ERBIN: variants seen among roughly 807,000 people sequenced by gnomAD.
ERBIN encodes the protein densin-180-like protein.
In ERBIN, 60 loss-of-function variants were observed where a neutral mutation model predicts 158.4. The ratio of observed to expected loss-of-function variants is 0.38; its 90% CI spans 0.31 to 0.47. The LOEUF is 0.47. Ranked by LOEUF, ERBIN falls within the 20% of genes least tolerant of loss-of-function variation. ERBIN has a pLI of 0.99. For synonymous variants in ERBIN, 594 were observed against 557.2 expected (o/e 1.07, Z -0.93); for missense variants, 1,610 against 1,648.0 (o/e 0.98, Z 0.40).
intron 1 of ERBIN, among the ~76,000 whole-genome samples, chr5:65,936,564 C>T (rs1744104275): frequency 6.6e-6 from 1 of 152,128 alleles, no homozygotes; most frequent in South Asian, 2.1e-4. Context: ...AAGCCAGGGA[C>T]CCTAGGAGTC....
chr5:65,965,712 C>T (rs530110942), intron 1 of ERBIN, among the ~76,000 whole-genome samples: 25 of 152,090 alleles, frequency 1.6e-4, no homozygotes, highest in Non-Finnish European at 2.8e-4. Flanking sequence ...TCAGATTTAA[C>T]CTTCAGTGAG....
At chr5:65,957,206 A>T (rs7733004) in intron 1 of ERBIN, among the ~76,000 whole-genome samples, 6,760 of 150,578 alleles carry the variant, frequency 0.045, 489 homozygotes, top group African/African-American at 0.15. Flanking sequence ...TTTTTTTTTT[A>T]AATTTTTATT....
intron 4 of ERBIN, among the ~76,000 whole-genome samples, chr5:66,009,173 A>G (rs1339464995): frequency 6.6e-6 from 1 of 152,202 alleles, no homozygotes; most frequent in Non-Finnish European, 1.5e-5. Context: ...CTGCAGCAGC[A>G]GACACTGCCC....
intron 21 of ERBIN, among the ~76,000 whole-genome samples, chr5:66,068,483 ATTTATC>A (rs745624651): frequency 1.3e-5 from 2 of 152,282 alleles, no homozygotes; most frequent in East Asian, 3.9e-4. Flanking sequence ...TGTTGGTAAA[ATTTATC>A]TTTATATAGA....
intron 14 of ERBIN, among the ~76,000 whole-genome samples, chr5:66,030,955 C>T (rs1008274841): frequency 5.9e-5 from 9 of 152,136 alleles, no homozygotes; most frequent in African/African-American, 1.9e-4. Flanking sequence ...GTATCTGCTA[C>T]GGTTTCTTCA....
In ERBIN at chr5:66,018,591, T is replaced by C. The variant is rs868251144; in HGVS notation, c.534-2731T>C. Among the ~76,000 whole-genome samples, 118 of 67,276 alleles carry C rather than the reference T, an allele frequency of 1.8e-3. 38 individuals are homozygous for C. In the Admixed American group the frequency reaches 0.021, roughly 12 times the overall value. 44.1% of individuals were successfully genotyped at this position (67,276 alleles called of 152,430 possible). A position where few individuals can be genotyped will look rare whatever the true frequency, so the allele number is the denominator to read the frequency against. On this transcript the variant is annotated intron_variant, in intron 7 of 25. Coordinates refer to ENST00000284037, the MANE Select transcript of ERBIN (RefSeq NM_001253697.2). The stretch of plus-strand genomic sequence containing the variant: ...ATTATATTATATAATATATATTATA[T>C]AATATATATTATATATACATACACA...
Position 66,025,927 on chromosome 5 carries a change from T to C in ERBIN, c.970T>C (p.Leu324=). 1 of 1,595,926 alleles carries C rather than the reference T, an allele frequency of 6.3e-7. No homozygotes were observed. The highest frequency in any genetic ancestry group is 1.1e-5 in the South Asian group (1 of 87,298). The stretch of plus-strand genomic sequence containing the variant: ...TTCATCTATTGGGCAGCTTACTAAC[T>C]TAAGAACTTTTGCTGCTGATCATAA... The part of the protein sequence containing the change: ...LPSSIGQLTN[L]RTFAADHNYL... The change falls in exon 12 of 26, where the codon TTA becomes CTA. Residue 324 remains leucine (L), a synonymous_variant. Coordinates refer to ENST00000284037, the MANE Select transcript of ERBIN (RefSeq NM_001253697.2).
chr5:65,933,174 A>G (rs1470830791), intron 1 of ERBIN, among the ~76,000 whole-genome samples: 1 of 152,182 alleles, frequency 6.6e-6, no homozygotes, highest in Non-Finnish European at 1.5e-5. Flanking sequence ...TCTTTTGTTT[A>G]TTCTACTAAC....
Position 66,076,339 on chromosome 5 carries a change from T to A in ERBIN, c.3987T>A (p.Asp1329Glu), listed in dbSNP as rs1339615366. Residue 1329 changes from aspartate to glutamate, a missense_variant, in exon 24 of 26, where the codon GAT becomes GAA. This residue lies in a region of ERBIN where 1,014 missense variants were observed against 936.1 expected (regional missense o/e 1.08). Transcript: ENST00000284037. The stretch of plus-strand genomic sequence containing the variant: ...AGATTCGAGTGAGGGTTGAAAAGGA[T>A]CCAGAACTTGGATTTAGCATATCAG... ...KQEIRVRVEKDPELGFSISGG... is the reference protein window; with the variant it reads ...KQEIRVRVEKEPELGFSISGG... 5 of 1,613,526 alleles carry A rather than the reference T, an allele frequency of 3.1e-6. No homozygotes were observed. The highest frequency in any genetic ancestry group is 4.2e-6 in the Non-Finnish European group (5 of 1,179,826).
chr5:66,053,361 A>T (rs760058004), intron 20 of ERBIN, 45 bp from the exon 21 acceptor site: 1 of 1,226,456 alleles, frequency 8.2e-7, no homozygotes, highest in East Asian at 2.4e-5. Flanking sequence ...GTTACTAAGA[A>T]AACTCGGCTT....
intron 21 of ERBIN, among the ~76,000 whole-genome samples, chr5:66,066,529 A>T (rs1306449265): frequency 6.6e-6 from 1 of 150,606 alleles, no homozygotes; most frequent in Non-Finnish European, 1.5e-5. Flanking sequence ...AAATAAAAAA[A>T]AAAAAACAAA....
At chr5:65,971,392 C>T (rs901521839) in intron 1 of ERBIN, among the ~76,000 whole-genome samples, 4 of 151,838 alleles carry the variant, frequency 2.6e-5, no homozygotes, top group African/African-American at 9.7e-5. Flanking sequence ...GAGTGATTTG[C>T]AAAATAATGG....
intron 21 of ERBIN, among the ~76,000 whole-genome samples, chr5:66,055,643 T>C (rs1759511531): frequency 6.6e-6 from 1 of 152,160 alleles, no homozygotes; most frequent in Non-Finnish European, 1.5e-5. Context: ...ATGAATGCCA[T>C]AGTCATATGG....
At chr5:66,006,976 G>C (rs1411588289) in intron 4 of ERBIN, among the ~76,000 whole-genome samples, 2 of 110,304 alleles carry the variant, frequency 1.8e-5, no homozygotes, top group Non-Finnish European at 3.7e-5. Flanking sequence ...GTGGAAGTCA[G>C]TGTGGCGATT....
chr5:66,036,057 C>G (rs915309607), intron 14 of ERBIN, among the ~76,000 whole-genome samples: 2 of 152,100 alleles, frequency 1.3e-5, no homozygotes, highest in Non-Finnish European at 2.9e-5. Context: ...CCACTGCACT[C>G]CAGCCTCCAG....
At chr5:66,049,396 A>G (rs967736208) in intron 19 of ERBIN, among the ~76,000 whole-genome samples, 3 of 152,016 alleles carry the variant, frequency 2.0e-5, no homozygotes, top group Non-Finnish European at 4.4e-5. Flanking sequence ...AATGATACTT[A>G]TTATCAAGGT....
chr5:66,038,325 C>A, intron 14 of ERBIN, 58 bp from the exon 15 acceptor site: 1 of 1,142,466 alleles, frequency 8.8e-7, no homozygotes, highest in South Asian at 1.4e-5. Flanking sequence ...AGAGGAATTG[C>A]TGAATATATA....
chr5:65,931,160 C>T (rs1010634324), intron 1 of ERBIN, among the ~76,000 whole-genome samples: 2 of 152,218 alleles, frequency 1.3e-5, no homozygotes, highest in Non-Finnish European at 2.9e-5. Context: ...TAAAAAATGA[C>T]ATCTCCTTAA....
chr5:66,008,221 C>G (rs1753826231), intron 4 of ERBIN, among the ~76,000 whole-genome samples: 1 of 152,142 alleles, frequency 6.6e-6, no homozygotes. Flanking sequence ...TCGAGACCAT[C>G]CTGGGTGACA....
Sources: gnomAD v4.1 joint callset for allele counts (sites outside exome capture counted in the v4.1 genomes callset) on GRCh38, gnomAD v4.1.1 for gene constraint, gnomAD v4.1.1 regional missense constraint, MANE v1.5 for transcripts, NCBI Gene and HGNC (gene_info 2026-07-23, HGNC 2026-07-21) for gene names.